Variants in LARS2 observed in about 807,000 individuals in gnomAD.
The protein encoded by LARS2 is leucine--tRNA ligase, mitochondrial.
In LARS2, 81 loss-of-function variants were observed where a neutral mutation model predicts 116.6. The ratio of observed to expected loss-of-function variants is 0.69; its 90% CI spans 0.58 to 0.84. The LOEUF (loss-of-function observed/expected upper bound fraction) is 0.84. Ranked by LOEUF, LARS2 falls within the 40% of genes least tolerant of loss-of-function variation. The pLI, the probability that LARS2 is intolerant of heterozygous loss-of-function variation, is 0.00. For missense variants in LARS2, 968 were observed against 1,114.5 expected, an observed-to-expected ratio of 0.87 and a Z score of 1.87; for synonymous variants, 396 against 407.2, an observed-to-expected ratio of 0.97 and a Z score of 0.33.
intron 10 of LARS2, among the ~76,000 whole-genome samples, chr3:45,482,091 A>C (rs1699712293): frequency 6.6e-6 from 1 of 152,176 alleles, no homozygotes; most frequent in Admixed American, 6.5e-5. Flanking sequence ...TCACGTTCCC[A>C]CATTATCTTA....
intron 6 of LARS2, among the ~76,000 whole-genome samples, chr3:45,441,201 T>G (rs750056731): frequency 2.0e-5 from 3 of 152,034 alleles, no homozygotes; most frequent in African/African-American, 7.2e-5. Context: ...CTTTTTGTAT[T>G]TTTAGTAGAG....
chr3:45,541,820 G>A lies in LARS2; in HGVS notation c.2405-9G>A, dbSNP rs772469359. 9.9e-6 allele frequency: 16 copies of A among 1,613,842 alleles called. No individual in the cohort carries two copies. The highest frequency in any genetic ancestry group is 1.3e-5 in the Non-Finnish European group (15 of 1,179,954). ...AGTGACCCCACGCTTCTGTGCCTCG[G>A]CATTGCAGGCCTGGCGCTGGTGCCG... On this transcript the variant is annotated splice_polypyrimidine_tract_variant and intron_variant, in intron 20 of 21. Transcript: ENST00000645846.
At chr3:45,458,974 T>C in intron 8 of LARS2, 88 bp downstream of exon 8, 2 of 1,380,658 alleles carry the variant, frequency 1.4e-6, no homozygotes, top group South Asian at 1.2e-5. Flanking sequence ...AGCCTCACTG[T>C]TGGGGTTGAG....
At chr3:45,520,573 G>A (rs2125756537) in intron 19 of LARS2, among the ~76,000 whole-genome samples, 1 of 152,292 alleles carries the variant, frequency 6.6e-6, no homozygotes, top group South Asian at 2.1e-4. Flanking sequence ...TGGTTGATTA[G>A]TGACAAATCT....
rs993705253 is a variant in LARS2 at position 45,496,596 on chromosome 3, C to A, written c.1622+223C>A. Among the ~76,000 whole-genome samples the A allele has an allele frequency of 3.3e-5, 5 of 152,196 alleles. No homozygotes were observed. The East Asian group carries it at 9.6e-4, about 29-fold the overall frequency. ...AAGGAAGGAGGATCAGGTGGAGGAG[C>A]CTCAGCCCACAGCACAACTCTGAGA... is the stretch of plus-strand genomic sequence containing the variant. On this transcript the variant is annotated intron_variant, in intron 14 of 21. Transcript: ENST00000645846.
At chr3:45,462,899 G>T (rs1291371315) in intron 8 of LARS2, among the ~76,000 whole-genome samples, 4 of 152,132 alleles carry the variant, frequency 2.6e-5, no homozygotes, top group Non-Finnish European at 4.4e-5. Flanking sequence ...TGATATATTT[G>T]ATTTTTCTCC....
intron 3 of LARS2, 122 bp from the exon 4 acceptor site, chr3:45,400,123 C>A (rs894386865): frequency 1.0e-6 from 1 of 973,538 alleles, no homozygotes; most frequent in Non-Finnish European, 1.5e-6. Context: ...TGGGAACACT[C>A]TTTTTAAAAG....
At chr3:45,396,549 A>G (rs902660384) in intron 3 of LARS2, among the ~76,000 whole-genome samples, 1 of 152,240 alleles carries the variant, frequency 6.6e-6, no homozygotes, top group Non-Finnish European at 1.5e-5. Flanking sequence ...TTTATAATCG[A>G]TCTCACTCTG....
chr3:45,481,216 T>G (rs957138478), intron 10 of LARS2, among the ~76,000 whole-genome samples: 1 of 152,260 alleles, frequency 6.6e-6, no homozygotes. Context: ...TATTTCCAAA[T>G]AATCCTCCAT....
intron 7 of LARS2, among the ~76,000 whole-genome samples, chr3:45,456,926 C>T (rs1264492830): frequency 6.6e-6 from 1 of 152,186 alleles, no homozygotes; most frequent in Non-Finnish European, 1.5e-5. Flanking sequence ...TTAGACATGT[C>T]TCTGGATCAG....
intron 10 of LARS2, among the ~76,000 whole-genome samples, chr3:45,481,346 G>A (rs535264936): frequency 6.6e-6 from 1 of 152,294 alleles, no homozygotes; most frequent in African/African-American, 2.4e-5. Context: ...AGATTTTTGT[G>A]TGGATGTATG....
intron 8 of LARS2, among the ~76,000 whole-genome samples, chr3:45,460,150 T>A (rs1699291259): frequency 6.6e-6 from 1 of 152,262 alleles, no homozygotes; most frequent in African/African-American, 2.4e-5. Flanking sequence ...ATGAGGTTGT[T>A]TTTCCATTTT....
intron 6 of LARS2, among the ~76,000 whole-genome samples, chr3:45,426,875 AG>A (rs1037627302): frequency 6.6e-6 from 1 of 152,154 alleles, no homozygotes; most frequent in African/African-American, 2.4e-5. Context: ...ATCCCCATCA[AG>A]GATGTACACT....
intron 20 of LARS2, among the ~76,000 whole-genome samples, chr3:45,536,968 G>A (rs1700716463): frequency 6.6e-6 from 1 of 152,070 alleles, no homozygotes; most frequent in Non-Finnish European, 1.5e-5. Context: ...CAGAGATAGG[G>A]TGTCCTAACC....
intron 19 of LARS2, 124 bp from the exon 20 acceptor site, chr3:45,523,873 T>G (rs1175760865): frequency 1.5e-6 from 1 of 654,742 alleles, no homozygotes; most frequent in Non-Finnish European, 2.7e-6. Flanking sequence ...CAAGCAGAAA[T>G]GGATGGCAAA....
chr3:45,393,886 C>T (rs756062878), intron 2 of LARS2, among the ~76,000 whole-genome samples: 3 of 152,192 alleles, frequency 2.0e-5, no homozygotes, highest in Non-Finnish European at 4.4e-5. Flanking sequence ...AATGAATTAA[C>T]AGTCTTCTAA....
intron 20 of LARS2, among the ~76,000 whole-genome samples, chr3:45,528,887 G>A (rs1700573777): frequency 7.2e-6 from 1 of 137,934 alleles, no homozygotes; most frequent in Non-Finnish European, 1.6e-5. Flanking sequence ...TTTTTTTTTT[G>A]GAGATGGAGT....
intron 20 of LARS2, among the ~76,000 whole-genome samples, chr3:45,540,461 C>G (rs909382031): frequency 3.3e-5 from 5 of 152,138 alleles, no homozygotes; most frequent in African/African-American, 1.2e-4. Flanking sequence ...AGCTTCAGCC[C>G]ATACCCTGAG....
At chr3:45,447,502 A>G (rs1053245364) in intron 7 of LARS2, among the ~76,000 whole-genome samples, 3 of 151,242 alleles carry the variant, frequency 2.0e-5, no homozygotes, top group Admixed American at 6.6e-5. Flanking sequence ...TGTGGGAATG[A>G]GCTCCCAATA....
Sources: allele counts gnomAD v4.1 joint callset (sites outside exome capture counted in the v4.1 genomes callset), GRCh38; gene constraint gnomAD v4.1.1; transcripts MANE v1.5; gene names NCBI Gene and HGNC (gene_info 2026-07-23, HGNC 2026-07-21).